The following CDH12 variants were observed in gnomAD, a reference collection of about 807,000 sequenced individuals.
The protein encoded by CDH12 is cadherin-12.
CDH12 carries 41 observed loss-of-function variants against 74.1 expected under a neutral mutation model. The ratio of observed to expected loss-of-function variants is 0.55; its 90% CI spans 0.43 to 0.72. The LOEUF is 0.72. CDH12 is among the 30% of genes least tolerant of loss of function. The pLI is 0.00. For missense variants in CDH12, 945 were observed against 977.2 expected, an observed-to-expected ratio of 0.97 and a Z score of 0.44; for synonymous variants, 399 against 355.0, an observed-to-expected ratio of 1.12 and a Z score of -1.39.
intron 6 of CDH12, among the ~76,000 whole-genome samples, chr5:21,951,009 G>A (rs529774375): frequency 1.3e-5 from 2 of 151,562 alleles, no homozygotes; most frequent in Non-Finnish European, 2.9e-5. Flanking sequence ...GGATGGTCTC[G>A]ATCTCCTGAC....
chr5:22,629,410 C>T (rs1738465352), intron 1 of CDH12, among the ~76,000 whole-genome samples: 1 of 151,972 alleles, frequency 6.6e-6, no homozygotes, highest in South Asian at 2.1e-4. Flanking sequence ...AAATCGAATC[C>T]ACCTAGATTA....
At chr5:22,203,857 AT>A (rs1356265161) in intron 4 of CDH12, among the ~76,000 whole-genome samples, 1 of 152,114 alleles carries the variant, frequency 6.6e-6, no homozygotes, top group Admixed American at 6.5e-5. Flanking sequence ...GATGTTGAGC[AT>A]TTTTTCATGT....
At chr5:22,436,331 C>A (rs1448894643) in intron 2 of CDH12, among the ~76,000 whole-genome samples, 1 of 120,150 alleles carries the variant, frequency 8.3e-6, no homozygotes, top group African/African-American at 3.2e-5. Context: ...AGGAGATAAA[C>A]CTAATGTAAA....
chr5:22,453,374 T>G (rs1007241090), intron 2 of CDH12, among the ~76,000 whole-genome samples: 6 of 152,172 alleles, frequency 3.9e-5, no homozygotes, highest in African/African-American at 1.4e-4. Context: ...ACATGTTGTA[T>G]GTATACGCAC....
chr5:22,141,189 A>G, intron 4 of CDH12: 1 of 152,152 alleles, frequency 6.6e-6, no homozygotes, highest in East Asian at 1.9e-4. Context: ...TGGTGAATTG[A>G]TGTGCTGGAT....
At chr5:21,856,805 T>C (rs1289182233) in intron 6 of CDH12, among the ~76,000 whole-genome samples, 1 of 151,822 alleles carries the variant, frequency 6.6e-6, no homozygotes, top group African/African-American at 2.4e-5. Context: ...CTTAAAAGGA[T>C]CACTGGATAG....
At chr5:21,841,752 G>A (rs938153970) in intron 8 of CDH12, among the ~76,000 whole-genome samples, 9 of 151,000 alleles carry the variant, frequency 6.0e-5, no homozygotes, top group African/African-American at 1.2e-4. Flanking sequence ...GTAAACTATC[G>A]CAAGAACAAA....
At chr5:22,476,440 G>A (rs956558873) in intron 2 of CDH12, among the ~76,000 whole-genome samples, 10 of 151,894 alleles carry the variant, frequency 6.6e-5, no homozygotes, top group Non-Finnish European at 1.3e-4. Context: ...CACATTTTAG[G>A]AAACTTATGG....
At chr5:22,454,007 T>C (rs2126568666) in intron 2 of CDH12, among the ~76,000 whole-genome samples, 1 of 152,250 alleles carries the variant, frequency 6.6e-6, no homozygotes, top group South Asian at 2.1e-4. Flanking sequence ...TGAGATATAA[T>C]AAGTAAAAAA....
At chr5:21,815,196 G>A (rs1257592029) in intron 9 of CDH12, among the ~76,000 whole-genome samples, 1 of 151,984 alleles carries the variant, frequency 6.6e-6, no homozygotes, top group Non-Finnish European at 1.5e-5. Context: ...AATATGGGAG[G>A]GGCAGACTGA....
chr5:21,989,544 C>T (rs1757660328), intron 5 of CDH12, among the ~76,000 whole-genome samples: 1 of 152,090 alleles, frequency 6.6e-6, no homozygotes, highest in African/African-American at 2.4e-5. Flanking sequence ...GTTACAGAGG[C>T]TGCCTTCCTG....
chr5:21,966,215 T>C (rs2150114317), intron 6 of CDH12, among the ~76,000 whole-genome samples: 1 of 151,866 alleles, frequency 6.6e-6, no homozygotes, highest in East Asian at 1.9e-4. Context: ...AAAAACACTT[T>C]TTCCTCATAG....
At chr5:21,830,497 G>A (rs1394990561) in intron 8 of CDH12, among the ~76,000 whole-genome samples, 4 of 152,094 alleles carry the variant, frequency 2.6e-5, no homozygotes, top group African/African-American at 9.7e-5. Context: ...ACTTTTGAGA[G>A]TAAAACAAAT....
At chr5:22,099,683 A>C (rs1744023940) in intron 4 of CDH12, among the ~76,000 whole-genome samples, 1 of 152,154 alleles carries the variant, frequency 6.6e-6, no homozygotes, top group African/African-American at 2.4e-5. Flanking sequence ...CTAAGCCATC[A>C]CAGCTGATAT....
intron 9 of CDH12, among the ~76,000 whole-genome samples, chr5:21,805,880 T>C (rs1212021800): frequency 6.6e-6 from 1 of 152,182 alleles, no homozygotes; most frequent in East Asian, 1.9e-4. Flanking sequence ...TAGAGAACTT[T>C]GTGGCATGGC....
chr5:22,185,362 C>A (rs539009284), intron 4 of CDH12, among the ~76,000 whole-genome samples: 2 of 152,062 alleles, frequency 1.3e-5, no homozygotes, highest in Non-Finnish European at 2.9e-5. Flanking sequence ...CCATGCCTGG[C>A]TAATTTTTTT....
chr5:21,979,694 ATGT>A (rs1757222856), intron 5 of CDH12, among the ~76,000 whole-genome samples: 1 of 152,082 alleles, frequency 6.6e-6, no homozygotes, highest in African/African-American at 2.4e-5. Context: ...AGCCTGGGGT[ATGT>A]TGGGAGAAGG....
At chr5:21,915,824 G>C (rs1049165267) in intron 6 of CDH12, among the ~76,000 whole-genome samples, 45 of 115,052 alleles carry the variant, frequency 3.9e-4, no homozygotes, top group African/African-American at 1.9e-3. Flanking sequence ...CATTTGTGCT[G>C]TGTGTGTGTG....
In CDH12 at chr5:22,785,078, C is replaced by G. The variant is rs1367754236; in HGVS notation, c.-523+67980G>C. ...AAATCGAAGGAAGGAGGTTATGATG[C>G]CTTCTTCTGACGGACACATCTCCTG... On this transcript the variant is annotated intron_variant, in intron 1 of 14. Transcript: ENST00000382254. Among the ~76,000 whole-genome samples the G allele has an allele frequency of 2.0e-5, 3 of 152,028 alleles. No individual in the cohort carries two copies. The South Asian group carries it at 6.2e-4, about 32-fold the overall frequency.
Sources: allele counts gnomAD v4.1 joint callset (sites outside exome capture counted in the v4.1 genomes callset), GRCh38; gene constraint gnomAD v4.1.1; transcripts MANE v1.5; gene names NCBI Gene and HGNC (gene_info 2026-07-23, HGNC 2026-07-21).